Variants in MBNL2 observed in about 807,000 individuals in gnomAD.
The protein encoded by MBNL2 is muscleblind-like protein 2.
MBNL2 carries 17 observed loss-of-function variants against 41.9 expected under a neutral mutation model. The observed-to-expected ratio is 0.41, with a 90% CI of 0.28 to 0.61. The LOEUF (loss-of-function observed/expected upper bound fraction) is 0.61, where lower values mean the gene tolerates loss of function less well. MBNL2 is among the 20% of genes least tolerant of loss of function. The pLI is 0.35. For synonymous variants in MBNL2, 195 were observed against 182.9 expected (o/e 1.07, Z -0.53); for missense variants, 336 against 505.6 (o/e 0.66, Z 3.22).
At chr13:97,374,063 A>ATTTTTTTT (rs61185219) in intron 8 of MBNL2, among the ~76,000 whole-genome samples, 1,729 of 63,066 alleles carry the variant, frequency 0.027, 246 homozygotes, top group Non-Finnish European at 0.033. Flanking sequence ...CCTCCTTTGC[A>ATTTTTTTT]TTTTTTTTTT....
chr13:97,386,473 C>CA (rs1368225767), intron 8 of MBNL2, among the ~76,000 whole-genome samples: 1 of 152,222 alleles, frequency 6.6e-6, no homozygotes, highest in Non-Finnish European at 1.5e-5. Context: ...GCTGTTGCCA[C>CA]ACCCTCGACC....
intron 7 of MBNL2, among the ~76,000 whole-genome samples, chr13:97,364,764 G>T (rs774467022): frequency 1.1e-4 from 16 of 152,148 alleles, no homozygotes; most frequent in Non-Finnish European, 1.6e-4. Flanking sequence ...CTATGCCTCA[G>T]ATTTTTCATC....
At chr13:97,245,343 T>C (rs907685294) in intron 1 of MBNL2, among the ~76,000 whole-genome samples, 3 of 152,160 alleles carry the variant, frequency 2.0e-5, no homozygotes, top group Admixed American at 2.0e-4. Context: ...ATACCTGCCA[T>C]GGACAGGATA....
chr13:97,289,284 A>T (rs868732741), intron 2 of MBNL2, among the ~76,000 whole-genome samples: 18 of 152,314 alleles, frequency 1.2e-4, no homozygotes, highest in Admixed American at 3.3e-4. Context: ...CTCAAATCTC[A>T]TTTGGAGGAA....
chr13:97,313,423 T>C (rs778889168), intron 2 of MBNL2, among the ~76,000 whole-genome samples: 4 of 152,224 alleles, frequency 2.6e-5, no homozygotes, highest in African/African-American at 7.2e-5. Flanking sequence ...AATGTTTTAT[T>C]TGTGGGACAT....
At position 97,268,115 on chromosome 13, in the gene MBNL2, A is replaced by T. The variant is rs2050203408; in HGVS notation, c.-604-7517A>T. On this transcript the variant is annotated intron_variant, in intron 1 of 8. Transcript: ENST00000679496. The surrounding 1 kb of genome is among the most constrained non-coding windows in gnomAD (Gnocchi z 4.6). ...TTCCTTCCTTCCTTTCTTTCTTTTG[A>T]GACAGCGTCGCTCTTGTCATCCAGG... 7.0e-6 allele frequency among the ~76,000 whole-genome samples: 1 copy of T among 142,348 alleles called. No individual in the cohort carries two copies. Among genetic ancestry groups the T allele is most frequent in the African/African-American group, 2.5e-5 (1 of 39,460 alleles). 93.4% of individuals were successfully genotyped at this position (142,348 alleles called of 152,430 possible).
At chr13:97,248,364 C>T (rs1196858857) in intron 1 of MBNL2, among the ~76,000 whole-genome samples, 6 of 152,162 alleles carry the variant, frequency 3.9e-5, no homozygotes, top group Admixed American at 1.3e-4. Context: ...CTTGAACTCT[C>T]GACCTCAGGT....
chr13:97,360,314 T>A (rs2063300197), intron 7 of MBNL2, among the ~76,000 whole-genome samples: 1 of 152,234 alleles, frequency 6.6e-6, no homozygotes, highest in Admixed American at 6.5e-5. Flanking sequence ...GATATTAATA[T>A]AAAATTTTAT....
At chr13:97,204,316 G>A in the MBNL2 span, among the ~76,000 whole-genome samples, 1,434 of 152,304 alleles carry the variant, frequency 9.4e-3, 17 homozygotes, top group African/African-American at 0.033. Context: ...CATCCATAGA[G>A]AGTTTGAAGG....
At chr13:97,348,986 T>A (rs1253642840) in intron 5 of MBNL2, among the ~76,000 whole-genome samples, 1 of 152,222 alleles carries the variant, frequency 6.6e-6, no homozygotes, top group African/African-American at 2.4e-5. Flanking sequence ...TCTAGAGACC[T>A]TTCCAATTTG....
chr13:97,187,467 A>G, the MBNL2 span, among the ~76,000 whole-genome samples: 2 of 151,652 alleles, frequency 1.3e-5, no homozygotes, highest in East Asian at 3.9e-4. Flanking sequence ...GCAATCTCCT[A>G]TTTTTGCTGT....
At chr13:97,349,015 A>G (rs559769596) in intron 5 of MBNL2, among the ~76,000 whole-genome samples, 1 of 152,152 alleles carries the variant, frequency 6.6e-6, no homozygotes, top group South Asian at 2.1e-4. Context: ...ATTTCCATAC[A>G]CCTTGAGCAC....
At chr13:97,194,809 T>C in the MBNL2 span, among the ~76,000 whole-genome samples, 1 of 152,214 alleles carries the variant, frequency 6.6e-6, no homozygotes, top group African/African-American at 2.4e-5. Flanking sequence ...ACCAGCGCCA[T>C]GACCATTTAC....
chr13:97,376,391 A>C (rs1439429470), intron 8 of MBNL2, among the ~76,000 whole-genome samples: 1 of 152,180 alleles, frequency 6.6e-6, no homozygotes, highest in Non-Finnish European at 1.5e-5. Context: ...TTTGATTTGT[A>C]CTATAAAGGA....
chr13:97,309,234 G>A lies in MBNL2; in HGVS notation c.175-25042G>A, dbSNP rs9513233. ...GGGGACAATGGAAGACTTTGAGCAC[G>A]GAAATGAAAAATGTCAAAATGACCT... On this transcript the variant is annotated intron_variant, in intron 2 of 8. Coordinates refer to ENST00000679496, the MANE Select transcript of MBNL2 (RefSeq NM_001382683.1). 2.2e-3 allele frequency among the ~76,000 whole-genome samples: 335 copies of A among 152,268 alleles called. 2 individuals carry two copies. The highest frequency in any genetic ancestry group is 4.5e-3 in the Admixed American group (69 of 15,292).
the MBNL2 span, among the ~76,000 whole-genome samples, chr13:97,189,965 C>T: frequency 6.6e-6 from 1 of 152,252 alleles, no homozygotes; most frequent in Admixed American, 6.5e-5. Context: ...GAGAAAAACA[C>T]CAGATAGCTC....
chr13:97,331,481 G>A (rs563699368), intron 2 of MBNL2, among the ~76,000 whole-genome samples: 2 of 152,138 alleles, frequency 1.3e-5, no homozygotes, highest in African/African-American at 4.8e-5. Flanking sequence ...TTAAAATTTT[G>A]TTATGCATCC....
At chr13:97,152,497 T>G in the MBNL2 span, among the ~76,000 whole-genome samples, 1 of 152,168 alleles carries the variant, frequency 6.6e-6, no homozygotes, top group Admixed American at 6.6e-5. Flanking sequence ...ACATCATTCT[T>G]AAATTTCAAA....
At chr13:97,176,814 G>A in the MBNL2 span, among the ~76,000 whole-genome samples, 1 of 152,036 alleles carries the variant, frequency 6.6e-6, no homozygotes, top group Non-Finnish European at 1.5e-5. Flanking sequence ...TACTTTGTAG[G>A]AGAATTCCCC....
Sources: allele counts gnomAD v4.1 joint callset (sites outside exome capture counted in the v4.1 genomes callset), GRCh38; gene constraint gnomAD v4.1.1; non-coding constraint Gnocchi (gnomAD v3.1); transcripts MANE v1.5; gene names NCBI Gene and HGNC (gene_info 2026-07-23, HGNC 2026-07-21).